GRM5: variants seen among roughly 807,000 people sequenced by gnomAD.
GRM5 encodes metabotropic glutamate receptor 5.
In GRM5, 19 loss-of-function variants were observed where a neutral mutation model predicts 83.1. The observed-to-expected ratio is 0.23, with a 90% CI of 0.16 to 0.34. The LOEUF (loss-of-function observed/expected upper bound fraction) is 0.34. GRM5 is among the 10% of genes least tolerant of loss of function. The probability of loss-of-function intolerance (pLI) is 1.00; values close to 1 mark genes in which losing one functional copy is unlikely to be tolerated. For synonymous variants in GRM5, 675 were observed against 633.6 expected (o/e 1.07, Z -0.98); for missense variants, 1,160 against 1,588.3 (o/e 0.73, Z 4.58).
intron 2 of GRM5, among the ~76,000 whole-genome samples, chr11:88,979,736 T>A (rs1376826694): frequency 6.6e-6 from 1 of 152,212 alleles, no homozygotes; most frequent in Non-Finnish European, 1.5e-5. Context: ...GGCTCTCCTG[T>A]GCTGCAGTAG....
intron 3 of GRM5, among the ~76,000 whole-genome samples, chr11:88,690,501 T>C (rs1032286755): frequency 3.3e-5 from 5 of 152,140 alleles, no homozygotes; most frequent in African/African-American, 4.8e-5. Context: ...AAAAAATGAG[T>C]TCTGAAATGA....
chr11:88,532,681 A>G (rs73536299), intron 8 of GRM5, among the ~76,000 whole-genome samples: 5,939 of 152,256 alleles, frequency 0.039, 399 homozygotes, highest in African/African-American at 0.13. Context: ...CAAATCTCCA[A>G]TGAGATTTGC....
chr11:88,529,518 TAGG>T (rs1166223888), intron 8 of GRM5, among the ~76,000 whole-genome samples: 1 of 151,790 alleles, frequency 6.6e-6, no homozygotes, highest in African/African-American at 2.4e-5. Context: ...AAGTATAAAA[TAGG>T]AGGTCAAAGG....
chr11:88,884,892 C>T (rs1945016567), intron 2 of GRM5, among the ~76,000 whole-genome samples: 1 of 152,130 alleles, frequency 6.6e-6, no homozygotes, highest in African/African-American at 2.4e-5. Flanking sequence ...GTTCATTAAA[C>T]CTTTTTCCTT....
At chr11:88,788,035 T>C (rs1277638619) in intron 3 of GRM5, among the ~76,000 whole-genome samples, 1 of 152,136 alleles carries the variant, frequency 6.6e-6, no homozygotes, top group Non-Finnish European at 1.5e-5. Context: ...GCAAAATGGT[T>C]GTTTTATAAA....
At chr11:89,032,091 A>T (rs1243049963) in intron 2 of GRM5, among the ~76,000 whole-genome samples, 3 of 151,954 alleles carry the variant, frequency 2.0e-5, no homozygotes, top group Non-Finnish European at 4.4e-5. Context: ...CATTATTTTC[A>T]TTTTCTGTGA....
chr11:88,813,471 T>C (rs1475883578), intron 3 of GRM5, among the ~76,000 whole-genome samples: 1 of 152,166 alleles, frequency 6.6e-6, no homozygotes, highest in Non-Finnish European at 1.5e-5. Flanking sequence ...CAATTTTCTA[T>C]AACTCATTTA....
intron 3 of GRM5, among the ~76,000 whole-genome samples, chr11:88,826,719 G>T (rs1943900283): frequency 6.6e-6 from 1 of 152,174 alleles, no homozygotes; most frequent in East Asian, 1.9e-4. Context: ...GTACTGTTAT[G>T]GTTATGATAT....
intron 3 of GRM5, among the ~76,000 whole-genome samples, chr11:88,734,957 T>TTAGA (rs1221934918): frequency 8.5e-5 from 13 of 152,172 alleles, no homozygotes; most frequent in African/African-American, 2.9e-4. Context: ...AGTATTTTAA[T>TTAGA]TAGATAGTAA....
chr11:89,056,323 T>G (rs1941873030), intron 1 of GRM5, among the ~76,000 whole-genome samples: 1 of 152,188 alleles, frequency 6.6e-6, no homozygotes, highest in Admixed American at 6.6e-5. Context: ...ATCTACTCTC[T>G]CTTGCTTCTA....
intron 2 of GRM5, among the ~76,000 whole-genome samples, chr11:88,879,542 C>T (rs980831574): frequency 1.3e-5 from 2 of 151,750 alleles, no homozygotes; most frequent in African/African-American, 4.8e-5. Context: ...AAGAAAAATA[C>T]ACACATTAAA....
At chr11:89,005,336 A>G (rs993654899) in intron 2 of GRM5, among the ~76,000 whole-genome samples, 3 of 152,180 alleles carry the variant, frequency 2.0e-5, no homozygotes, top group Non-Finnish European at 4.4e-5. Context: ...AAGGAATTGG[A>G]AAGAGCAGAA....
intron 3 of GRM5, among the ~76,000 whole-genome samples, chr11:88,818,979 C>T (rs1304905538): frequency 6.6e-6 from 1 of 152,110 alleles, no homozygotes; most frequent in East Asian, 1.9e-4. Context: ...CCAGTTTTTC[C>T]ATCAGAAAGG....
intron 3 of GRM5, among the ~76,000 whole-genome samples, chr11:88,807,909 G>C (rs375454465): frequency 1.3e-4 from 20 of 151,980 alleles, no homozygotes; most frequent in African/African-American, 4.1e-4. Context: ...TAACACTTTA[G>C]AACATTTCTT....
chr11:88,805,367 T>G (rs1943481241), intron 3 of GRM5, among the ~76,000 whole-genome samples: 2 of 152,078 alleles, frequency 1.3e-5, no homozygotes, highest in Admixed American at 1.3e-4. Context: ...AATTTTTGTA[T>G]TTTTAGTAGA....
chr11:88,784,070 A>G (rs183174130), intron 3 of GRM5, among the ~76,000 whole-genome samples: 3 of 152,196 alleles, frequency 2.0e-5, no homozygotes, highest in African/African-American at 7.2e-5. Context: ...CAATTTTTAT[A>G]CATTTACCAC....
At chr11:88,589,580 A>G (rs1403181797) in intron 7 of GRM5, among the ~76,000 whole-genome samples, 1 of 152,176 alleles carries the variant, frequency 6.6e-6, no homozygotes, top group African/African-American at 2.4e-5. Flanking sequence ...GATGGAGTCT[A>G]ATACTGATGA....
intron 4 of GRM5, among the ~76,000 whole-genome samples, chr11:88,610,998 G>A (rs552890045): frequency 2.0e-5 from 3 of 152,174 alleles, no homozygotes; most frequent in Admixed American, 2.0e-4. Context: ...TGTTACTTCT[G>A]TTGATGTGGT....
chr11:89,044,257 C>T (rs1290177260), intron 2 of GRM5, among the ~76,000 whole-genome samples: 1 of 152,278 alleles, frequency 6.6e-6, no homozygotes, highest in South Asian at 2.1e-4. Context: ...CTAGTTTGAT[C>T]TGCTCTTTAA....
Sources: gnomAD v4.1 joint callset for allele counts (sites outside exome capture counted in the v4.1 genomes callset) on GRCh38, gnomAD v4.1.1 for gene constraint, MANE v1.5 for transcripts, NCBI Gene and HGNC (gene_info 2026-07-23, HGNC 2026-07-21) for gene names.